MRPL33: variants seen among roughly 807,000 people sequenced by gnomAD.
MRPL33 encodes the protein large ribosomal subunit protein bL33m.
Under a neutral mutation model 10.1 loss-of-function variants are expected in MRPL33, and 5 were observed. The ratio of observed to expected loss-of-function variants is 0.49; its 90% CI spans 0.26 to 1.04. The LOEUF (loss-of-function observed/expected upper bound fraction) is 1.04. Ranked by LOEUF, MRPL33 falls within the 50% of genes least tolerant of loss-of-function variation. MRPL33 has a pLI of 0.14. For missense variants in MRPL33, 79 were observed against 78.1 expected (o/e 1.01, Z -0.04); for synonymous variants, 24 against 27.7 (o/e 0.87, Z 0.42).
chr2:27,774,194 G>A (rs1311451014), intron 2 of MRPL33, among the ~76,000 whole-genome samples: 4 of 152,120 alleles, frequency 2.6e-5, no homozygotes, highest in Non-Finnish European at 5.9e-5. Context: ...TATTGTTTTG[G>A]TTAGGTCATT....
Position 27,772,710 on chromosome 2 carries a change from C to CT in MRPL33, c.41+24dup. 6.3e-7 allele frequency: 1 copy of CT among 1,588,138 alleles called. No homozygotes were observed. Among genetic ancestry groups the CT allele is most frequent in the Middle Eastern group, 1.7e-4 (1 of 6,024 alleles). ...AAGTCAAAGTAAGTAAAGATTTTTCCTTTTTTAAACGTCACTTGTTTATGT... is the reference window on the plus strand; with the variant it reads ...AAGTCAAAGTAAGTAAAGATTTTTCCTTTTTTTAAACGTCACTTGTTTATGT... On this transcript the variant is annotated intron_variant, in intron 2 of 3. Transcript: ENST00000296102.
rs774537422 is a variant in MRPL33 at position 27,779,472 on chromosome 2, G to A, written c.188G>A (p.Arg63His). 19 of 1,611,602 alleles carry A rather than the reference G, an allele frequency of 1.2e-5. No homozygotes were observed. The highest frequency in any genetic ancestry group is 8.9e-5 in the East Asian group (4 of 44,820). Residue 63 changes from arginine to histidine, a missense_variant, in exon 4 of 4, where the codon CGC becomes CAC. Arg to His is a conservative substitution (Grantham distance 29). Transcript: ENST00000296102. ...RVLFVEKKKIRSL is the reference protein window; with the variant it reads ...RVLFVEKKKIHSL ...CTCTTCGTGGAAAAGAAAAAAATAC[G>A]CTCCCTTTAAACGGTGGATTGAAAA...
Position 27,779,661 on chromosome 2 carries a change from A to G in MRPL33, c.*179A>G. On this transcript the variant is annotated 3_prime_UTR_variant, in exon 4 of 4. Coordinates refer to ENST00000296102, the MANE Select transcript of MRPL33 (RefSeq NM_004891.4). ...GTGAAAGAAAGTTCTTCATATTAGG[A>G]CAGATATCATTGCATCACATTTATT... 1 of 1,212,748 alleles carries G rather than the reference A, an allele frequency of 8.2e-7. No individual in the cohort carries two copies. 75.1% of individuals were successfully genotyped at this position (1,212,748 alleles called of 1,614,324 possible).
At chr2:27,774,581 GCTGAACAT>G (rs752014802) in intron 3 of MRPL33, 51 bp downstream of exon 3, 1 of 1,431,518 alleles carries the variant, frequency 7.0e-7, no homozygotes, top group South Asian at 1.1e-5. Flanking sequence ...CCCTTTGTAG[GCTGAACAT>G]CTGAACTCTC....
At chr2:27,778,449 G>GTT (rs1677216239) in intron 3 of MRPL33, among the ~76,000 whole-genome samples, 1 of 151,914 alleles carries the variant, frequency 6.6e-6, no homozygotes, top group Non-Finnish European at 1.5e-5. Flanking sequence ...GTGTGTGTGT[G>GTT]TGTGGGTGTG....
intron 1 of MRPL33, chr2:27,772,472 A>G (rs906074853): frequency 3.8e-6 from 2 of 530,618 alleles, no homozygotes; most frequent in Non-Finnish European, 6.6e-6. Flanking sequence ...TGTTGGTCTG[A>G]TTGGATCTTT....
At chr2:27,773,508 T>C (rs761874569) in intron 2 of MRPL33, among the ~76,000 whole-genome samples, 4 of 152,226 alleles carry the variant, frequency 2.6e-5, no homozygotes, top group African/African-American at 7.2e-5. Flanking sequence ...TCGTTCTTTC[T>C]ACCCTTGTGA....
intron 3 of MRPL33, among the ~76,000 whole-genome samples, chr2:27,774,926 A>T (rs181008979): frequency 8.5e-5 from 13 of 152,250 alleles, no homozygotes; most frequent in Non-Finnish European, 1.5e-5. Context: ...CTATGTAAAG[A>T]GAATAGGTGG....
intron 2 of MRPL33, among the ~76,000 whole-genome samples, chr2:27,773,015 C>T (rs1189787378): frequency 2.0e-5 from 3 of 152,206 alleles, no homozygotes; most frequent in Non-Finnish European, 4.4e-5. Context: ...CACCATATTT[C>T]CATTTCCTCA....
At position 27,772,668 on chromosome 2, in the gene MRPL33, A is replaced by G; in HGVS notation, c.23-6A>G. The G allele has an allele frequency of 6.3e-7, 1 of 1,597,658 alleles. No individual in the cohort carries two copies. Among genetic ancestry groups the G allele is most frequent in the Non-Finnish European group, 8.6e-7 (1 of 1,168,596 alleles). On this transcript the variant is annotated splice_region_variant and splice_polypyrimidine_tract_variant and intron_variant, in intron 1 of 3. Coordinates refer to ENST00000296102, the MANE Select transcript of MRPL33 (RefSeq NM_004891.4). ...TCTTTTCCAACCCTTCCTGTCTACA[A>G]AAAAGTTGCCAAGAGCAAGTCAAAG... is the stretch of plus-strand genomic sequence containing the variant.
chr2:27,776,856 C>G (rs910148033), intron 3 of MRPL33, among the ~76,000 whole-genome samples: 2 of 152,206 alleles, frequency 1.3e-5, no homozygotes, highest in African/African-American at 2.4e-5. Flanking sequence ...TGTGTCATTT[C>G]AACTCAGTGT....
At chr2:27,778,589 T>G (rs1173379812) in intron 3 of MRPL33, among the ~76,000 whole-genome samples, 1 of 151,984 alleles carries the variant, frequency 6.6e-6, no homozygotes, top group African/African-American at 2.4e-5. Flanking sequence ...AGTTTCACTC[T>G]TGTTGCCCAG....
chr2:27,778,055 C>A (rs1198119502), intron 3 of MRPL33, among the ~76,000 whole-genome samples: 1 of 152,174 alleles, frequency 6.6e-6, no homozygotes, highest in Non-Finnish European at 1.5e-5. Context: ...TTAAAAAGAT[C>A]CCTTATGTAC....
intron 1 of MRPL33, 40 bp downstream of exon 1, chr2:27,771,839 G>C (rs1169751257): frequency 6.2e-7 from 1 of 1,602,472 alleles, no homozygotes; most frequent in Non-Finnish European, 8.5e-7. Context: ...TTACGGCGAG[G>C]GTTAGGGGGC....
chr2:27,774,009 T>C (rs1677100580), intron 2 of MRPL33, among the ~76,000 whole-genome samples: 1 of 152,228 alleles, frequency 6.6e-6, no homozygotes, highest in Admixed American at 6.5e-5. Flanking sequence ...TGTCCCTTCC[T>C]GAATATAATC....
At chr2:27,774,021 T>C (rs1370345244) in intron 2 of MRPL33, among the ~76,000 whole-genome samples, 1 of 152,194 alleles carries the variant, frequency 6.6e-6, no homozygotes, top group Non-Finnish European at 1.5e-5. Flanking sequence ...AATATAATCA[T>C]TTATGCCCTG....
intron 3 of MRPL33, among the ~76,000 whole-genome samples, chr2:27,774,751 G>A (rs1401473447): frequency 6.6e-6 from 1 of 152,190 alleles, no homozygotes; most frequent in Admixed American, 6.5e-5. Flanking sequence ...AGTCTGAGAG[G>A]GGGAGAAAAG....
chr2:27,778,284 T>C (rs1677212826), intron 3 of MRPL33, among the ~76,000 whole-genome samples: 1 of 152,220 alleles, frequency 6.6e-6, no homozygotes, highest in Non-Finnish European at 1.5e-5. Flanking sequence ...GTATCCATAT[T>C]GACTGTAGAA....
chr2:27,774,238 G>C (rs1677104949), intron 2 of MRPL33, among the ~76,000 whole-genome samples, 186 bp from the exon 3 acceptor site: 1 of 152,172 alleles, frequency 6.6e-6, no homozygotes, highest in East Asian at 1.9e-4. Context: ...GCAAATCCTA[G>C]AGATTTGAAA....
Sources: allele counts gnomAD v4.1 joint callset (sites outside exome capture counted in the v4.1 genomes callset), GRCh38; gene constraint gnomAD v4.1.1; transcripts MANE v1.5; gene names NCBI Gene and HGNC (gene_info 2026-07-23, HGNC 2026-07-21).